Variants in RGS6 observed in about 807,000 individuals in gnomAD.
RGS6 encodes the protein regulator of G protein signaling 6, also known as regulator of G-protein signaling 6.
A neutral mutation model predicts 78.5 loss-of-function variants in RGS6; 30 were observed. The observed-to-expected ratio is 0.38, with a 90% CI of 0.29 to 0.52. The LOEUF is 0.52. Ranked by LOEUF, RGS6 falls within the 20% of genes least tolerant of loss-of-function variation. The pLI is 0.85. For missense variants in RGS6, 495 were observed against 609.7 expected (o/e 0.81, Z 1.98); for synonymous variants, 206 against 206.0 (o/e 1.00, Z 0.00).
intron 2 of RGS6, among the ~76,000 whole-genome samples, chr14:72,123,001 C>G (rs1462541432): frequency 6.6e-6 from 1 of 152,200 alleles, no homozygotes; most frequent in Non-Finnish European, 1.5e-5. Flanking sequence ...GAGTCTCACT[C>G]TACCACCCAG....
At chr14:72,483,717 A>G (rs1411261232) in intron 12 of RGS6, among the ~76,000 whole-genome samples, 1 of 152,090 alleles carries the variant, frequency 6.6e-6, no homozygotes, top group Non-Finnish European at 1.5e-5. Flanking sequence ...GGTGACAGAA[A>G]AAAAAAAAGA....
chr14:72,048,274 A>T (rs1042325234), intron 2 of RGS6, among the ~76,000 whole-genome samples: 1 of 152,182 alleles, frequency 6.6e-6, no homozygotes, highest in African/African-American at 2.4e-5. Context: ...TCAGAACCAT[A>T]AATGTTTTCT....
At chr14:72,003,535 G>A (rs2083903645) in intron 2 of RGS6, among the ~76,000 whole-genome samples, 1 of 152,026 alleles carries the variant, frequency 6.6e-6, no homozygotes, top group South Asian at 2.1e-4. Context: ...TATTAGCTTT[G>A]GATGTATATA....
chr14:72,561,006 C>G (rs973505342), intron 17 of RGS6, among the ~76,000 whole-genome samples: 1 of 151,968 alleles, frequency 6.6e-6, no homozygotes, highest in Non-Finnish European at 1.5e-5. Flanking sequence ...CACCAGAATT[C>G]TCAAAGTCAG....
At chr14:72,519,670 T>C (rs2097004761) in intron 15 of RGS6, among the ~76,000 whole-genome samples, 1 of 152,226 alleles carries the variant, frequency 6.6e-6, no homozygotes, top group African/African-American at 2.4e-5. Flanking sequence ...CTCCTTCATA[T>C]ACCCCTTGCA....
At chr14:72,002,531 G>A (rs142741548) in intron 2 of RGS6, among the ~76,000 whole-genome samples, 1 of 152,010 alleles carries the variant, frequency 6.6e-6, no homozygotes, top group Non-Finnish European at 1.5e-5. Flanking sequence ...TCTTATCTGA[G>A]GTTTGGCCTT....
At chr14:72,449,296 A>G (rs2095438061) in intron 3 of RGS6, among the ~76,000 whole-genome samples, 1 of 152,220 alleles carries the variant, frequency 6.6e-6, no homozygotes, top group Non-Finnish European at 1.5e-5. Flanking sequence ...CAGTACTATG[A>G]TGTACTGTAT....
At chr14:72,347,420 G>A (rs2078270765) in intron 2 of RGS6, among the ~76,000 whole-genome samples, 1 of 152,154 alleles carries the variant, frequency 6.6e-6, no homozygotes, top group Non-Finnish European at 1.5e-5. Context: ...CTGATTCTCT[G>A]GGTCAATTTC....
At chr14:72,114,678 A>T (rs2095847919) in intron 2 of RGS6, among the ~76,000 whole-genome samples, 1 of 152,206 alleles carries the variant, frequency 6.6e-6, no homozygotes, top group Non-Finnish European at 1.5e-5. Context: ...CAAATGCAAA[A>T]TATTTAATGC....
intron 15 of RGS6, among the ~76,000 whole-genome samples, chr14:72,528,986 G>T (rs2097150460): frequency 6.6e-6 from 1 of 152,230 alleles, no homozygotes; most frequent in Admixed American, 6.5e-5. Context: ...AATGGCCAAA[G>T]ACCCTGAGTC....
At chr14:72,409,099 T>TG (rs2093187102) in intron 3 of RGS6, among the ~76,000 whole-genome samples, 1 of 152,228 alleles carries the variant, frequency 6.6e-6, no homozygotes, top group African/African-American at 2.4e-5. Flanking sequence ...GAGATTCCAG[T>TG]GAGGGGTCCC....
rs1429661092 is a variant in RGS6 at position 72,564,049 on chromosome 14, G to T, written c.*1582G>T. On this transcript the variant is annotated 3_prime_UTR_variant, in exon 18 of 18. Coordinates refer to ENST00000553525, the MANE Select transcript of RGS6 (RefSeq NM_001204424.2). ...TATTTGCAGACCCGGCCTCCTGGGT[G>T]CTCCCCAGTGACCCATCTTTCCACC... 6.6e-6 allele frequency: 1 copy of T among 152,214 alleles called. No individual in the cohort carries two copies. Among genetic ancestry groups the T allele is most frequent in the Non-Finnish European group, 1.5e-5 (1 of 68,050 alleles). The allele number at this position is 152,214 out of a possible 1,614,324, so 9.4% of individuals were successfully genotyped here.
intron 17 of RGS6, chr14:72,540,772 C>T (rs557356146): frequency 4.1e-6 from 4 of 985,244 alleles, no homozygotes; most frequent in South Asian, 4.7e-5. Context: ...AAGGTCCTAC[C>T]GGCCTCCTCA....
chr14:71,868,198 T>C, the RGS6 span, among the ~76,000 whole-genome samples: 2 of 152,104 alleles, frequency 1.3e-5, no homozygotes, highest in Admixed American at 6.6e-5. Context: ...AATGCTCCAG[T>C]CTAGTCTGGG....
chr14:72,148,200 C>G (rs1468085416), intron 2 of RGS6, among the ~76,000 whole-genome samples: 1 of 149,604 alleles, frequency 6.7e-6, no homozygotes. Context: ...TCAAGACCAG[C>G]CTGGGCAACA....
rs199876115 is a variant in RGS6, at chr14:72,010,831, AT to A, written c.84+45963del. 8.3e-4 allele frequency among the ~76,000 whole-genome samples: 127 copies of A among 152,240 alleles called. No homozygotes were observed. In the East Asian group the frequency reaches 0.015, roughly 18 times the overall value. On this transcript the variant is annotated intron_variant, in intron 2 of 17. Coordinates refer to ENST00000553525, the MANE Select transcript of RGS6 (RefSeq NM_001204424.2). ...TGAAGGAACGTGATGTTAACTAGAT[AT>A]TTTTTTCTCTATTGTTCTGTTTTCC... is the stretch of plus-strand genomic sequence containing the variant.
chr14:72,592,619 G>A, the RGS6 span, among the ~76,000 whole-genome samples: 1 of 152,238 alleles, frequency 6.6e-6, no homozygotes. Flanking sequence ...TAAGGGAGAA[G>A]ATTTGTGAAG....
chr14:72,083,740 C>A (rs2094917115), intron 2 of RGS6, among the ~76,000 whole-genome samples: 1 of 152,114 alleles, frequency 6.6e-6, no homozygotes, highest in African/African-American at 2.4e-5. Context: ...AAAGATAATT[C>A]TAATGAATTT....
At chr14:71,898,445 A>T in the RGS6 span, among the ~76,000 whole-genome samples, 1 of 152,212 alleles carries the variant, frequency 6.6e-6, no homozygotes, top group Admixed American at 6.5e-5. Flanking sequence ...AGGAAGTCCA[A>T]TGGAATTATC....
Sources: gnomAD v4.1 joint callset for allele counts (sites outside exome capture counted in the v4.1 genomes callset) on GRCh38, gnomAD v4.1.1 for gene constraint, MANE v1.5 for transcripts, NCBI Gene and HGNC (gene_info 2026-07-23, HGNC 2026-07-21) for gene names.